The following CCDC171 variants were observed in gnomAD, a reference collection of about 807,000 sequenced individuals.
CCDC171 encodes the protein coiled-coil domain-containing protein 171.
In CCDC171, 177 loss-of-function variants were observed where a neutral mutation model predicts 168.2. That is an observed-to-expected ratio of 1.05 (90% confidence interval 0.93 to 1.19). The LOEUF is 1.19. Among genes scored for constraint, CCDC171 ranks in the 50% most tolerant of loss-of-function variants. The pLI, the probability that CCDC171 is intolerant of heterozygous loss-of-function variation, is 0.00. For synonymous variants in CCDC171, 687 were observed against 540.8 expected (o/e 1.27, Z -3.75); for missense variants, 1,991 against 1,539.0 (o/e 1.29, Z -4.91).
At chr9:15,987,162 T>C (rs1380527570) in intron 3 of CCDC171, among the ~76,000 whole-genome samples, 14 of 152,132 alleles carry the variant, frequency 9.2e-5, no homozygotes, top group Non-Finnish European at 1.6e-4. Context: ...TTTCAAACTT[T>C]TATACAGAAA....
chr9:15,864,894 G>A (rs2061711482), intron 23 of CCDC171, among the ~76,000 whole-genome samples: 1 of 152,054 alleles, frequency 6.6e-6, no homozygotes, highest in African/African-American at 2.4e-5. Context: ...TAGAATGGCT[G>A]CATTCTTGAG....
At chr9:15,582,180 G>C (rs540201613) in intron 4 of CCDC171, among the ~76,000 whole-genome samples, 27 of 152,150 alleles carry the variant, frequency 1.8e-4, no homozygotes, top group Non-Finnish European at 3.2e-4. Context: ...TGAAAAAATG[G>C]TCATCATCAC....
chr9:15,730,572 T>C (rs1056127899), intron 16 of CCDC171, among the ~76,000 whole-genome samples: 1 of 151,840 alleles, frequency 6.6e-6, no homozygotes, highest in Non-Finnish European at 1.5e-5. Context: ...GTATTTAGCC[T>C]CTTTATTTGA....
intron 10 of CCDC171, among the ~76,000 whole-genome samples, chr9:15,684,981 C>T (rs1587948815): frequency 6.6e-6 from 1 of 152,262 alleles, no homozygotes; most frequent in East Asian, 1.9e-4. Context: ...TCTGCTTAGC[C>T]AACATAGCAT....
At chr9:15,868,052 A>G (rs1316036262) in intron 23 of CCDC171, among the ~76,000 whole-genome samples, 1 of 152,018 alleles carries the variant, frequency 6.6e-6, no homozygotes, top group Non-Finnish European at 1.5e-5. Context: ...CCAGATTGAT[A>G]ATTTGATTCA....
chr9:15,781,604 G>C (rs570925672), intron 20 of CCDC171, among the ~76,000 whole-genome samples: 25 of 151,916 alleles, frequency 1.6e-4, no homozygotes, highest in Non-Finnish European at 2.5e-4. Context: ...GTAGAGACAG[G>C]GTTTCACCAT....
intron 12 of CCDC171, among the ~76,000 whole-genome samples, chr9:15,722,558 A>G (rs1445827182): frequency 6.6e-6 from 1 of 152,250 alleles, no homozygotes; most frequent in Admixed American, 6.5e-5. Context: ...CATATGAAGT[A>G]ATTACATTAA....
intron 3 of CCDC171, among the ~76,000 whole-genome samples, chr9:15,982,276 G>T (rs889272761): frequency 1.3e-5 from 2 of 152,100 alleles, no homozygotes; most frequent in South Asian, 4.1e-4. Flanking sequence ...ATGGCCCAGC[G>T]TAGTGATGTG....
At chr9:15,556,700 C>T (rs948937627) in intron 1 of CCDC171, among the ~76,000 whole-genome samples, 44 of 151,902 alleles carry the variant, frequency 2.9e-4, no homozygotes, top group Admixed American at 5.3e-4. Flanking sequence ...TGCCTGTTCA[C>T]TCTGATGGTA....
chr9:15,706,479 G>C (rs1210958314), intron 11 of CCDC171, among the ~76,000 whole-genome samples: 1 of 151,994 alleles, frequency 6.6e-6, no homozygotes, highest in Non-Finnish European at 1.5e-5. Context: ...ATAGAGATGG[G>C]ATTTCACCAT....
At chr9:15,981,034 C>A (rs1404570247) in intron 3 of CCDC171, among the ~76,000 whole-genome samples, 1 of 151,978 alleles carries the variant, frequency 6.6e-6, no homozygotes, top group Non-Finnish European at 1.5e-5. Flanking sequence ...AGGAAAACCC[C>A]CATATAATAA....
At chr9:15,653,411 G>A (rs2047682671) in intron 7 of CCDC171, among the ~76,000 whole-genome samples, 1 of 151,990 alleles carries the variant, frequency 6.6e-6, no homozygotes, top group Admixed American at 6.6e-5. Context: ...TGAAGTGTGG[G>A]GATTACAAGT....
At chr9:15,784,728 T>C (rs1456509166) in intron 21 of CCDC171, 34 bp downstream of exon 21, 2 of 1,477,970 alleles carry the variant, frequency 1.4e-6, no homozygotes, top group Non-Finnish European at 1.9e-6. Flanking sequence ...CATAAAGGGA[T>C]ATTTTATCTA....
chr9:15,588,527 C>G (rs1454261761), intron 4 of CCDC171: 1 of 348,692 alleles, frequency 2.9e-6, no homozygotes, highest in African/African-American at 2.2e-5. Context: ...AAAGCTGATG[C>G]TTACAAGGAG....
At chr9:16,019,831 A>G (rs1003470909) in intron 3 of CCDC171, among the ~76,000 whole-genome samples, 2 of 152,208 alleles carry the variant, frequency 1.3e-5, no homozygotes, top group Non-Finnish European at 2.9e-5. Flanking sequence ...TTTCAAGGGT[A>G]TCAAAGGGAA....
At position 15,839,280 on chromosome 9, in the gene CCDC171, G is replaced by T. The variant is rs2060575089; in HGVS notation, c.3268-7422G>T. 2.6e-5 allele frequency among the ~76,000 whole-genome samples: 4 copies of T among 152,038 alleles called. No homozygotes were observed. In the South Asian group the frequency reaches 8.3e-4, roughly 32 times the overall value. ...AAAGTAACCATTTAAATATATTAAA[G>T]TACCTTACTAACTTTATGGAGTTTG... On this transcript the variant is annotated intron_variant, in intron 21 of 25. Transcript: ENST00000380701.
intron 24 of CCDC171, among the ~76,000 whole-genome samples, chr9:15,878,044 T>G (rs1328281): frequency 6.6e-6 from 1 of 151,984 alleles, no homozygotes; most frequent in Non-Finnish European, 1.5e-5. Flanking sequence ...CCAACCTAGG[T>G]AATACCATTC....
intron 25 of CCDC171, among the ~76,000 whole-genome samples, chr9:15,947,048 A>G (rs1828485992): frequency 6.6e-6 from 1 of 152,020 alleles, no homozygotes; most frequent in Admixed American, 6.6e-5. Context: ...TTTAGAAACT[A>G]AAAAACATGA....
At chr9:15,795,942 G>C (rs1588551811) in intron 21 of CCDC171, among the ~76,000 whole-genome samples, 1 of 152,184 alleles carries the variant, frequency 6.6e-6, no homozygotes, top group Non-Finnish European at 1.5e-5. Flanking sequence ...ACGTGAAAAT[G>C]TTCAATTAGG....
Sources: gnomAD v4.1 joint callset for allele counts (sites outside exome capture counted in the v4.1 genomes callset) on GRCh38, gnomAD v4.1.1 for gene constraint, MANE v1.5 for transcripts, NCBI Gene and HGNC (gene_info 2026-07-23, HGNC 2026-07-21) for gene names.